LRP5: variants seen among roughly 807,000 people sequenced by gnomAD.
LRP5 encodes the protein LDL receptor related protein 5.
In LRP5, 62 loss-of-function variants were observed where a neutral mutation model predicts 154.1. The ratio of observed to expected loss-of-function variants is 0.40; its 90% confidence interval spans 0.33 to 0.50. LRP5 has a LOEUF of 0.50. Ranked by LOEUF, LRP5 falls within the 20% of genes least tolerant of loss-of-function variation. The probability of loss-of-function intolerance (pLI) is 0.55; values close to 1 mark genes in which losing one functional copy is unlikely to be tolerated. For synonymous variants in LRP5, 966 were observed against 1,011.5 expected (o/e 0.96, Z 0.85); for missense variants, 1,915 against 2,336.7 (o/e 0.82, Z 3.72).
rs556001082 is a variant in LRP5 at position 68,389,390 on chromosome 11, A to G, written c.1413-491A>G. ...CTAGCATCTACTGACACTGACATTT[A>G]CCAACACCAGCATCTACCAACACCG... On this transcript the variant is annotated intron_variant, in intron 6 of 22. Coordinates refer to ENST00000294304, the MANE Select transcript of LRP5 (RefSeq NM_002335.4). Among the ~76,000 whole-genome samples, 11 of 152,252 alleles carry G rather than the reference A, an allele frequency of 7.2e-5. No homozygotes were observed. The South Asian group carries it at 1.7e-3, about 23-fold the overall frequency.
chr11:68,375,113 C>T (rs574575960), intron 5 of LRP5, among the ~76,000 whole-genome samples: 3 of 152,374 alleles, frequency 2.0e-5, no homozygotes, highest in East Asian at 1.9e-4. Flanking sequence ...GGGACGCCCA[C>T]GTTGCCCAGA....
At chr11:68,348,646 G>A (rs548779224) in intron 2 of LRP5, among the ~76,000 whole-genome samples, 3 of 148,438 alleles carry the variant, frequency 2.0e-5, no homozygotes, top group Non-Finnish European at 3.0e-5. Flanking sequence ...CACTCGGTGC[G>A]ACTCTGAAAA....
At chr11:68,378,626 G>A (rs2098638722) in intron 5 of LRP5, among the ~76,000 whole-genome samples, 1 of 152,118 alleles carries the variant, frequency 6.6e-6, no homozygotes, top group African/African-American at 2.4e-5. Context: ...TACGTTCGCT[G>A]TAGCAAGGAA....
intron 3 of LRP5, among the ~76,000 whole-genome samples, chr11:68,361,222 G>A (rs913162021): frequency 1.0e-4 from 15 of 149,322 alleles, no homozygotes; most frequent in African/African-American, 1.5e-4. Flanking sequence ...GGAGAATGGC[G>A]TGAACCTGGG....
intron 1 of LRP5, among the ~76,000 whole-genome samples, chr11:68,343,838 A>T (rs1450426772): frequency 6.6e-6 from 1 of 151,822 alleles, no homozygotes; most frequent in African/African-American, 2.4e-5. Flanking sequence ...CTGCCATCTC[A>T]TCCTTTGGTG....
intron 17 of LRP5, among the ~76,000 whole-genome samples, chr11:68,430,988 C>T (rs2098671554): frequency 6.6e-6 from 1 of 152,202 alleles, no homozygotes; most frequent in South Asian, 2.1e-4. Context: ...TCCACCTGGA[C>T]CCTGACACGT....
intron 1 of LRP5, among the ~76,000 whole-genome samples, chr11:68,344,522 G>A (rs1198069398): frequency 6.6e-6 from 1 of 151,928 alleles, no homozygotes; most frequent in Non-Finnish European, 1.5e-5. Context: ...GTTTCGTCAT[G>A]TTGGCCAGGC....
chr11:68,439,572 C>G, intron 20 of LRP5, among the ~76,000 whole-genome samples: 1 of 152,300 alleles, frequency 6.6e-6, no homozygotes, highest in African/African-American at 2.4e-5. Flanking sequence ...ATGTGTCTCC[C>G]GTTTCACAGA....
At chr11:68,411,241 C>T (rs1436606655) in intron 10 of LRP5, among the ~76,000 whole-genome samples, 195 bp from the exon 11 acceptor site, 1 of 152,224 alleles carries the variant, frequency 6.6e-6, no homozygotes, top group African/African-American at 2.4e-5. Context: ...GGAGGTGGCG[C>T]AGTGACCACC....
chr11:68,432,772 CT>C (rs1271677734), intron 17 of LRP5, among the ~76,000 whole-genome samples: 1 of 152,234 alleles, frequency 6.6e-6, no homozygotes, highest in Non-Finnish European at 1.5e-5. Context: ...TAGGCCTCCT[CT>C]GGCTTCTCTG....
At chr11:68,442,651 G>A (rs537920826) in intron 21 of LRP5, among the ~76,000 whole-genome samples, 3 of 152,328 alleles carry the variant, frequency 2.0e-5, no homozygotes, top group South Asian at 2.1e-4. Context: ...TGCTGCTAAC[G>A]ATGTATAAAA....
At chr11:68,428,045 T>G (rs1465633875) in intron 16 of LRP5, among the ~76,000 whole-genome samples, 2 of 151,598 alleles carry the variant, frequency 1.3e-5, no homozygotes, top group Non-Finnish European at 2.9e-5. Flanking sequence ...CAGGCTGGAG[T>G]GCAGTGGCGC....
chr11:68,375,643 G>A (rs182458817), intron 5 of LRP5, among the ~76,000 whole-genome samples: 272 of 152,332 alleles, frequency 1.8e-3, no homozygotes, highest in Admixed American at 2.9e-3. Context: ...GACCAACATC[G>A]GGACCCAGGA....
At chr11:68,362,921 C>T (rs2098628860) in intron 3 of LRP5, among the ~76,000 whole-genome samples, 1 of 151,918 alleles carries the variant, frequency 6.6e-6, no homozygotes, top group East Asian at 1.9e-4. Context: ...GAGCCTGTCA[C>T]GGGGCGAGGG....
At chr11:68,385,974 G>C (rs1319980203) in intron 5 of LRP5, among the ~76,000 whole-genome samples, 1 of 152,148 alleles carries the variant, frequency 6.6e-6, no homozygotes, top group African/African-American at 2.4e-5. Flanking sequence ...CAGGAGAGGG[G>C]CTGGCAGGAG....
chr11:68,445,016 A>G (rs2098680655), intron 21 of LRP5, among the ~76,000 whole-genome samples: 1 of 152,134 alleles, frequency 6.6e-6, no homozygotes, highest in Non-Finnish European at 1.5e-5. Flanking sequence ...CACTCCCCAG[A>G]GGCTACTCAC....
chr11:68,313,390 G>C lies in LRP5; in HGVS notation c.91+585G>C, dbSNP rs193251225. Among the ~76,000 whole-genome samples the C allele has an allele frequency of 3.8e-3, 585 of 152,286 alleles. 4 individuals are homozygous for C. The highest frequency in any genetic ancestry group is 7.4e-3 in the Non-Finnish European group (502 of 68,004). On this transcript the variant is annotated intron_variant, in intron 1 of 22. Coordinates refer to ENST00000294304, the MANE Select transcript of LRP5 (RefSeq NM_002335.4). ...GGTGCCCGGGCGACCCGAATGCCCC[G>C]TGTGGCCGCCGGGTCCCCAGATAGT... is the stretch of plus-strand genomic sequence containing the variant.
At position 68,438,594 on chromosome 11, in the gene LRP5, G is replaced by A. The variant is rs1403388279; in HGVS notation, c.4260G>A (p.Gly1420=). 6.2e-7 allele frequency: 1 copy of A among 1,613,996 alleles called. No individual in the cohort carries two copies. Among genetic ancestry groups the A allele is most frequent in the South Asian group, 1.1e-5 (1 of 91,082 alleles). Residue 1420 remains glycine, a synonymous_variant, in exon 20 of 23, where the codon GGG becomes GGA. Coordinates refer to ENST00000294304, the MANE Select transcript of LRP5 (RefSeq NM_002335.4). ...VVCQRYAGAN[G]PFPHEYVSGT... ...GCCAGCGCTATGCGGGGGCCAACGG[G>A]CCCTTCCCGCACGAGTATGTCAGCG...
intron 5 of LRP5, among the ~76,000 whole-genome samples, chr11:68,378,610 C>T (rs189553799): frequency 2.0e-5 from 3 of 152,150 alleles, no homozygotes; most frequent in Admixed American, 2.0e-4. Context: ...TATAAAATAA[C>T]ATTTATACGT....
Sources: allele counts gnomAD v4.1 joint callset (sites outside exome capture counted in the v4.1 genomes callset), GRCh38; gene constraint gnomAD v4.1.1; transcripts MANE v1.5; gene names NCBI Gene and HGNC (gene_info 2026-07-23, HGNC 2026-07-21).